Variants in VPS41 observed in about 807,000 individuals in gnomAD.
VPS41 encodes vacuolar protein sorting-associated protein 41 homolog.
In VPS41, 85 loss-of-function variants were observed where a neutral mutation model predicts 130.9. The observed-to-expected ratio is 0.65, with a 90% CI of 0.55 to 0.78. The LOEUF (loss-of-function observed/expected upper bound fraction) is 0.78. VPS41 is among the 30% of genes least tolerant of loss of function. The pLI is 0.00. For missense variants in VPS41, 874 were observed against 1,018.7 expected (o/e 0.86, Z 1.93); for synonymous variants, 335 against 332.9 (o/e 1.01, Z -0.07).
At chr7:38,823,131 G>T (rs1043500905) in intron 5 of VPS41, among the ~76,000 whole-genome samples, 12 of 152,166 alleles carry the variant, frequency 7.9e-5, no homozygotes, top group African/African-American at 2.9e-4. Flanking sequence ...AAGAAGTAGG[G>T]CCTTTAGTGA....
rs1295007912 is a variant in VPS41, at chr7:38,841,590, C to T, written c.247-11262G>A. Among the ~76,000 whole-genome samples, 6 of 152,178 alleles carry T rather than the reference C, an allele frequency of 3.9e-5. No individual in the cohort carries two copies. In the East Asian group the frequency reaches 1.2e-3, roughly 29 times the overall value. Reference sequence around the variant, plus strand: ...TACACCCACTTCTCTTCATTTCCTTCCTGCCTTTCTACTCACAACTTTTGT... The same window carrying T: ...TACACCCACTTCTCTTCATTTCCTTTCTGCCTTTCTACTCACAACTTTTGT... On this transcript the variant is annotated intron_variant, in intron 4 of 28. Coordinates refer to ENST00000310301, the MANE Select transcript of VPS41 (RefSeq NM_014396.4).
At chr7:38,907,343 AGAAGGGAAG>A (rs1156964631) in intron 1 of VPS41, among the ~76,000 whole-genome samples, 1 of 152,204 alleles carries the variant, frequency 6.6e-6, no homozygotes, top group African/African-American at 2.4e-5. Context: ...GCAGAGTCAC[AGAAGGGAAG>A]GAGAGTAGTG....
At chr7:38,884,366 T>C (rs149875146) in intron 2 of VPS41, among the ~76,000 whole-genome samples, 1 of 152,346 alleles carries the variant, frequency 6.6e-6, no homozygotes, top group Non-Finnish European at 1.5e-5. Flanking sequence ...TCAGTCCACT[T>C]GGTTTTATTA....
At chr7:38,885,448 G>C (rs1382374432) in intron 2 of VPS41, among the ~76,000 whole-genome samples, 1 of 152,124 alleles carries the variant, frequency 6.6e-6, no homozygotes. Context: ...TACAGAAAAT[G>C]ATCACATTTC....
Position 38,732,583 on chromosome 7 carries a change from T to C in VPS41, c.2260-3792A>G, listed in dbSNP as rs150773897. 2.8e-3 allele frequency among the ~76,000 whole-genome samples: 421 copies of C among 152,290 alleles called. 2 individuals are homozygous for C. Among genetic ancestry groups the C allele is most frequent in the African/African-American group, 9.9e-3 (411 of 41,570 alleles). On this transcript the variant is annotated intron_variant, in intron 25 of 28. Transcript: ENST00000310301. ...ATTATTTTAGGGAGAACTAATAACA[T>C]TTATGATATGGATGTACTTTTAACA...
chr7:38,830,184 G>T, intron 5 of VPS41, 70 bp downstream of exon 5: 1 of 922,924 alleles, frequency 1.1e-6, no homozygotes, highest in Non-Finnish European at 1.8e-6. Context: ...TATATAGTAA[G>T]CAAGGTGCTG....
chr7:38,758,583 T>C, intron 17 of VPS41, 102 bp from the exon 18 acceptor site: 1 of 1,177,962 alleles, frequency 8.5e-7, no homozygotes, highest in Admixed American at 2.5e-5. Context: ...TCCTGGCATA[T>C]AACTCTCAAA....
At chr7:38,773,847 T>C (rs2115853639) in intron 12 of VPS41, among the ~76,000 whole-genome samples, 1 of 152,160 alleles carries the variant, frequency 6.6e-6, no homozygotes, top group South Asian at 2.1e-4. Context: ...GTTAGGACAA[T>C]AGAAAAAATA....
At chr7:38,741,000 T>C (rs1055634643) in intron 25 of VPS41, among the ~76,000 whole-genome samples, 18 of 152,184 alleles carry the variant, frequency 1.2e-4, no homozygotes, top group Non-Finnish European at 2.5e-4. Flanking sequence ...AGCTCTGCCA[T>C]CCCTTTCATC....
chr7:38,754,867 A>G, intron 20 of VPS41, 28 bp downstream of exon 20: 1 of 1,609,140 alleles, frequency 6.2e-7, no homozygotes, highest in Non-Finnish European at 8.5e-7. Flanking sequence ...TTCATCTGGT[A>G]ACACATATAA....
rs1188205542 is a variant in VPS41 at position 38,723,006 on chromosome 7, T to C, written c.*3240A>G. 6.6e-6 allele frequency: 1 copy of C among 152,148 alleles called. No individual in the cohort carries two copies. Among genetic ancestry groups the C allele is most frequent in the Non-Finnish European group, 1.5e-5 (1 of 68,040 alleles). The allele number at this position is 152,148 out of a possible 1,614,324, so 9.4% of individuals were successfully genotyped here. A position where few individuals can be genotyped will look rare whatever the true frequency, so the allele number is the denominator to read the frequency against. ...TATATTTTATTTATATTATATGCTA[T>C]ATTCTTATAATAAAGCAAGCTAAAG... is the stretch of plus-strand genomic sequence containing the variant. On this transcript the variant is annotated 3_prime_UTR_variant, in exon 29 of 29. Coordinates refer to ENST00000310301, the MANE Select transcript of VPS41 (RefSeq NM_014396.4).
intron 2 of VPS41, among the ~76,000 whole-genome samples, chr7:38,869,570 T>A (rs1786303288): frequency 6.6e-6 from 1 of 152,174 alleles, no homozygotes; most frequent in Admixed American, 6.5e-5. Context: ...AGTTATGGAA[T>A]AAAGTTAGTA....
At chr7:38,903,352 C>T (rs1787184691) in intron 1 of VPS41, among the ~76,000 whole-genome samples, 1 of 152,144 alleles carries the variant, frequency 6.6e-6, no homozygotes, top group Admixed American at 6.5e-5. Flanking sequence ...CAGCCCAGGA[C>T]AGAGAGGATC....
intron 10 of VPS41, among the ~76,000 whole-genome samples, chr7:38,785,737 C>T (rs1259416734): frequency 1.3e-5 from 2 of 152,118 alleles, no homozygotes; most frequent in Admixed American, 6.6e-5. Context: ...TAAAAAATAG[C>T]AAACAAGGGC....
intron 2 of VPS41, among the ~76,000 whole-genome samples, chr7:38,871,924 T>C (rs1380223517): frequency 6.6e-6 from 1 of 152,166 alleles, no homozygotes; most frequent in Non-Finnish European, 1.5e-5. Context: ...GCCTTCCAAG[T>C]AGCTAAGACT....
At chr7:38,771,627 C>T (rs1243157321) in intron 13 of VPS41, among the ~76,000 whole-genome samples, 2 of 152,120 alleles carry the variant, frequency 1.3e-5, no homozygotes, top group Non-Finnish European at 2.9e-5. Context: ...TCTTCTAGAT[C>T]TTTATGACAT....
chr7:38,741,313 T>A, intron 25 of VPS41: 1 of 338,576 alleles, frequency 3.0e-6, no homozygotes, highest in South Asian at 2.5e-5. Flanking sequence ...TTAATTCAAG[T>A]TCTATAGAAG....
intron 4 of VPS41, among the ~76,000 whole-genome samples, chr7:38,844,116 CAT>C (rs2116235681): frequency 6.6e-6 from 1 of 152,288 alleles, no homozygotes; most frequent in South Asian, 2.1e-4. Context: ...GAAACAATTA[CAT>C]GTCTACTATT....
chr7:38,765,929 G>A (rs1199656159), intron 15 of VPS41, among the ~76,000 whole-genome samples: 1 of 152,178 alleles, frequency 6.6e-6, no homozygotes, highest in Non-Finnish European at 1.5e-5. Flanking sequence ...ATAACTAGGG[G>A]CTTTCCCAAC....
Sources: gnomAD v4.1 joint callset for allele counts (sites outside exome capture counted in the v4.1 genomes callset) on GRCh38, gnomAD v4.1.1 for gene constraint, MANE v1.5 for transcripts, NCBI Gene and HGNC (gene_info 2026-07-23, HGNC 2026-07-21) for gene names.